STK10: variants seen among roughly 807,000 people sequenced by gnomAD.
The protein encoded by STK10 is serine/threonine kinase 10.
A neutral mutation model predicts 113.8 loss-of-function variants in STK10; 78 were observed. The observed-to-expected ratio is 0.69, with a 90% CI of 0.57 to 0.83. The LOEUF is 0.83. Ranked by LOEUF, STK10 falls within the 40% of genes least tolerant of loss-of-function variation. The pLI is 0.00. For synonymous variants in STK10, 465 were observed against 494.7 expected, an observed-to-expected ratio of 0.94 and a Z score of 0.80; for missense variants, 1,109 against 1,280.1, an observed-to-expected ratio of 0.87 and a Z score of 2.04.
At position 172,043,742 on chromosome 5, in the gene STK10, C is replaced by T. The variant is rs1037267181; in HGVS notation, c.*1140G>A. 1.3e-5 allele frequency: 2 copies of T among 152,248 alleles called. No homozygotes were observed. The highest frequency in any genetic ancestry group is 4.8e-5 in the African/African-American group (2 of 41,474). 9.4% of individuals were successfully genotyped at this position (152,248 alleles called of 1,614,324 possible). On this transcript the variant is annotated 3_prime_UTR_variant, in exon 19 of 19. Coordinates refer to ENST00000176763, the MANE Select transcript of STK10 (RefSeq NM_005990.4). ...GTCCATCTGAGGTACAGAACCTGTGCTTCTGCCATGTTCCTGGGGCAGGGG... is the reference window on the plus strand; with the variant it reads ...GTCCATCTGAGGTACAGAACCTGTGTTTCTGCCATGTTCCTGGGGCAGGGG...
At chr5:172,179,890 C>T (rs900786764) in intron 1 of STK10, among the ~76,000 whole-genome samples, 3 of 152,110 alleles carry the variant, frequency 2.0e-5, no homozygotes, top group Non-Finnish European at 4.4e-5. Context: ...ACGGGCAAGA[C>T]GGCCTGGGAG....
intron 14 of STK10, among the ~76,000 whole-genome samples, chr5:172,057,680 G>A (rs1487972318): frequency 1.3e-5 from 2 of 152,208 alleles, no homozygotes; most frequent in Non-Finnish European, 2.9e-5. Context: ...TAAGGAATGA[G>A]AGCTCCCAGG....
In STK10 at chr5:172,083,012, C is replaced by T. The variant is rs777023879; in HGVS notation, c.1758G>A (p.Lys586=). 1.9e-6 allele frequency: 3 copies of T among 1,614,120 alleles called. No individual in the cohort carries two copies. Among genetic ancestry groups the T allele is most frequent in the Admixed American group, 1.7e-5 (1 of 60,016 alleles). The change falls in exon 11 of 19, where the codon AAG becomes AAA. Residue 586 remains lysine, a synonymous_variant. Coordinates refer to ENST00000176763, the MANE Select transcript of STK10 (RefSeq NM_005990.4). ...EHRNQTQLSN[K]HELQLEQMHK... ...GCATTTGCTCCAGCTGCAGCTCATG[C>T]TTGTTACTCAGCTGGGTCTGGTTCC...
In STK10 at chr5:172,143,671, T is replaced by C. The variant is rs557464348; in HGVS notation, c.321+12953A>G. Among the ~76,000 whole-genome samples the C allele has an allele frequency of 6.4e-4, 97 of 152,292 alleles. 1 individual carries two copies. Among genetic ancestry groups the C allele is most frequent in the African/African-American group, 2.3e-3 (96 of 41,574 alleles). On this transcript the variant is annotated intron_variant, in intron 2 of 18. Transcript: ENST00000176763. ...GCTCTGAGCCTCCGCTGTTTTCCCA[T>C]CTGGAAAATGAAGCTCTCAACAGCA...
chr5:172,176,578 G>A (rs1029821929), intron 1 of STK10, among the ~76,000 whole-genome samples: 8 of 152,102 alleles, frequency 5.3e-5, no homozygotes, highest in African/African-American at 1.9e-4. Flanking sequence ...CAATTGTGTC[G>A]CCTCTCTGGT....
chr5:172,153,048 A>T (rs1770270739), intron 2 of STK10, among the ~76,000 whole-genome samples: 1 of 152,162 alleles, frequency 6.6e-6, no homozygotes, highest in African/African-American at 2.4e-5. Context: ...GCACTTTGGG[A>T]GGCTGAGGCA....
chr5:172,087,907 C>T (rs190492360), intron 10 of STK10, among the ~76,000 whole-genome samples: 4,984 of 115,990 alleles, frequency 0.043, 102 homozygotes, highest in African/African-American at 0.071. Flanking sequence ...GGATTACAGG[C>T]GTGAGCCACC....
Position 172,096,575 on chromosome 5 carries a change from T to C in STK10, c.871-15A>G, listed in dbSNP as rs772415502. On this transcript the variant is annotated splice_polypyrimidine_tract_variant and intron_variant, in intron 7 of 18. Transcript: ENST00000176763. The stretch of plus-strand genomic sequence containing the variant: ...ACGAAGGGATGCTGAGGGGGCAAGA[T>C]GCACCCAGATTAGAACCACTCTGGG... The C allele has an allele frequency of 6.2e-6, 10 of 1,611,934 alleles. No individual in the cohort carries two copies. The highest frequency in any genetic ancestry group is 8.5e-6 in the Non-Finnish European group (10 of 1,179,986).
At chr5:172,054,173 A>T (rs1007587372) in intron 17 of STK10, among the ~76,000 whole-genome samples, 5 of 152,196 alleles carry the variant, frequency 3.3e-5, no homozygotes, top group Non-Finnish European at 7.4e-5. Flanking sequence ...GGAAGCTTGA[A>T]GAGGTCAGGA....
Position 172,061,133 on chromosome 5 carries a change from C to G in STK10, c.2212+6G>C. ...CAAGACAGCGCTGCCACTTGCACAC[C>G]CCCACCTCGAAGGAGCTCCTGCTTC... On this transcript the variant is annotated splice_donor_region_variant and intron_variant, in intron 14 of 18. Coordinates refer to ENST00000176763, the MANE Select transcript of STK10 (RefSeq NM_005990.4). The G allele has an allele frequency of 6.2e-7, 1 of 1,607,856 alleles. No individual in the cohort carries two copies. Among genetic ancestry groups the G allele is most frequent in the Non-Finnish European group, 8.5e-7 (1 of 1,177,640 alleles).
rs1039156018 is a variant in STK10, at chr5:172,082,891, A to C, written c.1809+70T>G. ...TCTCCACTACCCAATCATTCCCACT[A>C]TGTAGCTTCCACTGAGAGAACACCT... On this transcript the variant is annotated intron_variant, in intron 11 of 18. Transcript: ENST00000176763. The surrounding 1 kb of genome is among the most constrained non-coding windows in gnomAD (Gnocchi z 4.3). The C allele has an allele frequency of 2.5e-6, 4 of 1,588,848 alleles. No individual in the cohort carries two copies. In the African/African-American group the frequency reaches 4.1e-5, roughly 16 times the overall value.
At chr5:172,074,972 A>C (rs1768276742) in intron 12 of STK10, among the ~76,000 whole-genome samples, 1 of 151,746 alleles carries the variant, frequency 6.6e-6, no homozygotes, top group African/African-American at 2.4e-5. Context: ...GTAAGCTGAG[A>C]TTGCACCACT....
intron 12 of STK10, among the ~76,000 whole-genome samples, chr5:172,079,279 A>G (rs1323214743): frequency 1.3e-5 from 2 of 151,924 alleles, no homozygotes; most frequent in Non-Finnish European, 2.9e-5. Context: ...GCTCTTTCTC[A>G]TACCTCAGGA....
intron 9 of STK10, 52 bp from the exon 10 acceptor site, chr5:172,090,414 T>C (rs1268119860): frequency 3.8e-6 from 6 of 1,590,886 alleles, no homozygotes; most frequent in African/African-American, 1.3e-5. Context: ...TAAGGACCCA[T>C]GGCTGTCGCA....
chr5:172,115,998 A>G (rs1769374638), intron 4 of STK10, among the ~76,000 whole-genome samples: 1 of 152,216 alleles, frequency 6.6e-6, no homozygotes, highest in Non-Finnish European at 1.5e-5. Context: ...TGAAGTAACT[A>G]ACCATAGGCT....
At chr5:172,049,414 T>C (rs1387018574) in intron 18 of STK10, among the ~76,000 whole-genome samples, 1 of 151,854 alleles carries the variant, frequency 6.6e-6, no homozygotes, top group East Asian at 1.9e-4. Flanking sequence ...GGCTGGTGGG[T>C]AGAGAATTCC....
intron 2 of STK10, among the ~76,000 whole-genome samples, chr5:172,151,382 G>C (rs2113811759): frequency 6.6e-6 from 1 of 150,834 alleles, no homozygotes; most frequent in Middle Eastern, 3.4e-3. Flanking sequence ...TCTCACTCTT[G>C]TCACCCAGGC....
intron 12 of STK10, among the ~76,000 whole-genome samples, chr5:172,070,501 T>C (rs1768153433): frequency 6.6e-6 from 1 of 150,836 alleles, no homozygotes; most frequent in South Asian, 2.1e-4. Flanking sequence ...CAGTGCTCCA[T>C]TTATAGCATT....
chr5:172,185,394 G>C (rs115229773), intron 1 of STK10, among the ~76,000 whole-genome samples: 2,848 of 152,206 alleles, frequency 0.019, 80 homozygotes, highest in African/African-American at 0.063. Context: ...TCAGCCTCCT[G>C]AGACGCTGGG....
Sources: allele counts gnomAD v4.1 joint callset (sites outside exome capture counted in the v4.1 genomes callset), GRCh38; gene constraint gnomAD v4.1.1; non-coding constraint Gnocchi (gnomAD v3.1); transcripts MANE v1.5; gene names NCBI Gene and HGNC (gene_info 2026-07-23, HGNC 2026-07-21).